The following DENND5B variants were observed in gnomAD, a reference collection of about 807,000 sequenced individuals.
DENND5B encodes DENN domain containing 5B.
DENND5B carries 34 observed loss-of-function variants against 140.6 expected under a neutral mutation model. The observed-to-expected ratio is 0.24, with a 90% confidence interval of 0.18 to 0.32. The LOEUF (loss-of-function observed/expected upper bound fraction) is 0.32, where lower values mean the gene tolerates loss of function less well. Among genes scored for constraint, DENND5B ranks in the 10% least tolerant of loss-of-function variants. The pLI is 1.00. For missense variants in DENND5B, 1,142 were observed against 1,560.2 expected (o/e 0.73, Z 4.52); for synonymous variants, 551 against 562.1 (o/e 0.98, Z 0.28).
chr12:31,587,181 T>C (rs2139524933), intron 1 of DENND5B, among the ~76,000 whole-genome samples: 1 of 152,312 alleles, frequency 6.6e-6, no homozygotes, highest in South Asian at 2.1e-4. Flanking sequence ...TTTAAATTTA[T>C]ACCTACAGTC....
intron 8 of DENND5B, chr12:31,432,821 T>C (rs1470833081): frequency 4.9e-6 from 1 of 202,288 alleles, no homozygotes; most frequent in Admixed American, 5.7e-5. Flanking sequence ...TAATTATGCT[T>C]GAAACTTAGA....
intron 1 of DENND5B, among the ~76,000 whole-genome samples, chr12:31,540,708 A>T (rs1366872315): frequency 6.6e-6 from 1 of 151,608 alleles, no homozygotes; most frequent in South Asian, 2.1e-4. Flanking sequence ...AAACAAACCT[A>T]AAATTTACAT....
At chr12:31,580,747 G>A (rs1334472197) in intron 1 of DENND5B, among the ~76,000 whole-genome samples, 4 of 151,746 alleles carry the variant, frequency 2.6e-5, no homozygotes, top group African/African-American at 4.8e-5. Context: ...CACCCGTCTC[G>A]GCCACCCAAA....
intron 17 of DENND5B, 30 bp from the exon 18 acceptor site, chr12:31,392,726 T>C: frequency 1.3e-6 from 2 of 1,540,742 alleles, no homozygotes; most frequent in Non-Finnish European, 1.8e-6. Flanking sequence ...GGCTGCATTC[T>C]CATGGGAGAG....
At chr12:31,531,635 A>G (rs1472470993) in intron 1 of DENND5B, among the ~76,000 whole-genome samples, 1 of 152,224 alleles carries the variant, frequency 6.6e-6, no homozygotes, top group African/African-American at 2.4e-5. Flanking sequence ...TCCATAAGAA[A>G]AGTCTTTTAA....
At chr12:31,513,943 T>C (rs1947520501) in intron 1 of DENND5B, among the ~76,000 whole-genome samples, 1 of 151,640 alleles carries the variant, frequency 6.6e-6, no homozygotes, top group Non-Finnish European at 1.5e-5. Context: ...GCTCAATCAA[T>C]CCTCCTGCCT....
At chr12:31,557,814 CAAAAAAAAA>C (rs71445804) in intron 1 of DENND5B, among the ~76,000 whole-genome samples, 2 of 80,978 alleles carry the variant, frequency 2.5e-5, no homozygotes, top group Non-Finnish European at 4.8e-5. Flanking sequence ...GCTGTGGTGG[CAAAAAAAAA>C]AAAAAAAAAA....
At chr12:31,442,727 C>CCTT in intron 7 of DENND5B, 48 bp downstream of exon 7, 1 of 1,584,554 alleles carries the variant, frequency 6.3e-7, no homozygotes. Context: ...AGCACCCCAC[C>CCTT]CTTCATTCAT....
At chr12:31,575,919 TCACGCCACTG>T (rs751945874) in intron 1 of DENND5B, among the ~76,000 whole-genome samples, 5 of 151,928 alleles carry the variant, frequency 3.3e-5, no homozygotes, top group Middle Eastern at 3.4e-3. Context: ...TGAGCCAAGA[TCACGCCACTG>T]CACTCCAGCC....
At chr12:31,425,272 C>CCACT (rs1395576754) in intron 9 of DENND5B, among the ~76,000 whole-genome samples, 1 of 152,172 alleles carries the variant, frequency 6.6e-6, no homozygotes, top group Middle Eastern at 3.2e-3. Context: ...AGATCACATG[C>CCACT]CACTGCACTC....
intron 2 of DENND5B, 49 bp downstream of exon 2, chr12:31,495,761 A>G (rs1946739006): frequency 7.4e-7 from 1 of 1,344,138 alleles, no homozygotes; most frequent in African/African-American, 1.5e-5. Flanking sequence ...TCATATTAAT[A>G]AAGTGAAAAC....
At chr12:31,524,966 T>C (rs73297845) in intron 1 of DENND5B, among the ~76,000 whole-genome samples, 17,153 of 152,078 alleles carry the variant, frequency 0.11, 1,137 homozygotes, top group East Asian at 0.25. Context: ...AAATGACCAA[T>C]AGGCACATGA....
At chr12:31,430,036 T>G (rs1943439201) in intron 8 of DENND5B, among the ~76,000 whole-genome samples, 1 of 151,338 alleles carries the variant, frequency 6.6e-6, no homozygotes. Flanking sequence ...GGTTTTTGTT[T>G]TTTTGAGACA....
At chr12:31,568,910 TA>T (rs1295183872) in intron 1 of DENND5B, among the ~76,000 whole-genome samples, 2 of 152,130 alleles carry the variant, frequency 1.3e-5, no homozygotes, top group African/African-American at 4.8e-5. Flanking sequence ...TGAAGTGGGC[TA>T]ATCTATATTC....
chr12:31,526,007 A>T lies in DENND5B; in HGVS notation c.128-30088T>A, dbSNP rs189259916. On this transcript the variant is annotated intron_variant, in intron 1 of 20. Transcript: ENST00000389082. ...AAACCCTGTCTCGAATAAATTTTTT[A>T]AAAAATTCTATTAATACTTTAAGGG... is the stretch of plus-strand genomic sequence containing the variant. 1.3e-3 allele frequency among the ~76,000 whole-genome samples: 194 copies of T among 152,274 alleles called. 1 individual carries two copies. The highest frequency in any genetic ancestry group is 3.6e-3 in the African/African-American group (150 of 41,548).
chr12:31,445,432 G>C (rs1159930340), intron 6 of DENND5B, among the ~76,000 whole-genome samples: 4 of 152,126 alleles, frequency 2.6e-5, no homozygotes, highest in Admixed American at 1.3e-4. Flanking sequence ...GGCCAGACAT[G>C]ATGGCTCATG....
intron 3 of DENND5B, among the ~76,000 whole-genome samples, chr12:31,479,079 T>C (rs1945954183): frequency 6.6e-6 from 1 of 152,160 alleles, no homozygotes; most frequent in Non-Finnish European, 1.5e-5. Context: ...GCTCACCTTT[T>C]CTCTCACTCA....
chr12:31,403,265 AGAG>A (rs1452457914), intron 14 of DENND5B, among the ~76,000 whole-genome samples: 1 of 152,216 alleles, frequency 6.6e-6, no homozygotes, highest in African/African-American at 2.4e-5. Context: ...CTCACACGCA[AGAG>A]GAGCCCAGGG....
At position 31,392,806 on chromosome 12, in the gene DENND5B, T is replaced by A; in HGVS notation, c.3257-110A>T. On this transcript the variant is annotated intron_variant, in intron 17 of 20. Coordinates refer to ENST00000389082, the MANE Select transcript of DENND5B (RefSeq NM_144973.4). ...CAGGAAATACGTCATCAGAGCAGGC[T>A]GGCTTTGCCAGGGGCTCCATAGAAC... 9.0e-6 allele frequency: 10 copies of A among 1,108,284 alleles called. No homozygotes were observed. In the South Asian group the frequency reaches 1.1e-4, roughly 13 times the overall value. 68.7% of individuals were successfully genotyped at this position (1,108,284 alleles called of 1,614,324 possible).
Sources: gnomAD v4.1 joint callset for allele counts (sites outside exome capture counted in the v4.1 genomes callset) on GRCh38, gnomAD v4.1.1 for gene constraint, MANE v1.5 for transcripts, NCBI Gene and HGNC (gene_info 2026-07-23, HGNC 2026-07-21) for gene names.